Variants in PTPRZ1 observed in about 807,000 individuals in gnomAD.
PTPRZ1 encodes the protein receptor-type tyrosine-protein phosphatase zeta.
In PTPRZ1, 82 loss-of-function variants were observed where a neutral mutation model predicts 214.1. The ratio of observed to expected loss-of-function variants is 0.38; its 90% confidence interval spans 0.32 to 0.46. The LOEUF (loss-of-function observed/expected upper bound fraction) is 0.46. PTPRZ1 is among the 20% of genes least tolerant of loss of function. The probability of loss-of-function intolerance (pLI) is 1.00; values close to 1 mark genes in which losing one functional copy is unlikely to be tolerated. For missense variants in PTPRZ1, 2,603 were observed against 2,748.7 expected, an observed-to-expected ratio of 0.95 and a Z score of 1.19; for synonymous variants, 945 against 987.9, an observed-to-expected ratio of 0.96 and a Z score of 0.81.
chr7:122,060,515 T>G (rs1792536868), intron 29 of PTPRZ1, among the ~76,000 whole-genome samples: 1 of 152,220 alleles, frequency 6.6e-6, no homozygotes, highest in Non-Finnish European at 1.5e-5. Flanking sequence ...TGCTTCTATG[T>G]GCCACTGCTC....
intron 1 of PTPRZ1, among the ~76,000 whole-genome samples, chr7:121,927,616 A>T (rs1243270206): frequency 1.3e-5 from 2 of 152,184 alleles, no homozygotes; most frequent in Non-Finnish European, 2.9e-5. Context: ...CTGACGTAAC[A>T]TTTCTCCGAA....
At chr7:122,022,509 G>C (rs547646814) in intron 13 of PTPRZ1, among the ~76,000 whole-genome samples, 2 of 152,318 alleles carry the variant, frequency 1.3e-5, no homozygotes, top group African/African-American at 4.8e-5. Context: ...GGCCTCCAAA[G>C]CTGAAAGAGG....
intron 13 of PTPRZ1, among the ~76,000 whole-genome samples, chr7:122,023,665 A>G (rs1337763070): frequency 7.5e-6 from 1 of 132,980 alleles, no homozygotes; most frequent in East Asian, 2.0e-4. Flanking sequence ...TATTATATGT[A>G]TAATTTTATA....
chr7:121,994,471 T>C (rs1479751309), intron 8 of PTPRZ1, among the ~76,000 whole-genome samples: 2 of 151,910 alleles, frequency 1.3e-5, no homozygotes, highest in Non-Finnish European at 2.9e-5. Context: ...ATTTTTTGTA[T>C]TTTTAGTAGA....
intron 1 of PTPRZ1, among the ~76,000 whole-genome samples, chr7:121,885,934 G>A (rs906097688): frequency 1.3e-5 from 2 of 152,140 alleles, no homozygotes; most frequent in Non-Finnish European, 2.9e-5. Context: ...CTCTGCTAAT[G>A]ATAATGACAT....
At chr7:122,039,962 A>G (rs1799668727) in intron 20 of PTPRZ1, among the ~76,000 whole-genome samples, 2 of 151,958 alleles carry the variant, frequency 1.3e-5, no homozygotes, top group African/African-American at 4.8e-5. Context: ...AGCCTGGGCA[A>G]CAGAGTGAGA....
At chr7:121,877,204 C>G (rs1254256639) in intron 1 of PTPRZ1, among the ~76,000 whole-genome samples, 4 of 152,150 alleles carry the variant, frequency 2.6e-5, no homozygotes, top group Admixed American at 1.3e-4. Context: ...ACACCTTTTA[C>G]AAATGAGGGA....
At chr7:122,034,164 A>T (rs1328154289) in intron 16 of PTPRZ1, 49 bp downstream of exon 16, 2 of 1,571,950 alleles carry the variant, frequency 1.3e-6, no homozygotes, top group Non-Finnish European at 1.7e-6. Flanking sequence ...AGTAGTTGTA[A>T]CTTTTAAAAA....
Position 121,896,148 on chromosome 7 carries a change from A to T in PTPRZ1, c.58+22591A>T, listed in dbSNP as rs1584612821. Among the ~76,000 whole-genome samples the T allele has an allele frequency of 2.0e-5, 3 of 152,244 alleles. No individual in the cohort carries two copies. The East Asian group carries it at 5.8e-4, about 29-fold the overall frequency. ...AACACATTAACAGCAATGATTCTGTAATTGATATAGAGTAGATGTTTTAAA... is the reference window on the plus strand; with the variant it reads ...AACACATTAACAGCAATGATTCTGTTATTGATATAGAGTAGATGTTTTAAA... On this transcript the variant is annotated intron_variant, in intron 1 of 29. Transcript: ENST00000393386.
intron 2 of PTPRZ1, among the ~76,000 whole-genome samples, chr7:121,939,867 C>G (rs866257429): frequency 6.6e-6 from 1 of 151,878 alleles, no homozygotes; most frequent in African/African-American, 2.4e-5. Context: ...ATGTAAGGTA[C>G]GGAACCCTAA....
intron 2 of PTPRZ1, among the ~76,000 whole-genome samples, chr7:121,965,046 T>C (rs938299286): frequency 5.3e-5 from 8 of 152,228 alleles, no homozygotes; most frequent in African/African-American, 1.4e-4. Flanking sequence ...CAAGGAGTAA[T>C]GTGATCTGGC....
Position 122,053,981 on chromosome 7 carries a change from G to A in PTPRZ1, c.6324G>A (p.Arg2108=). The change falls in exon 26 of 30, where the codon AGG becomes AGA. Residue 2108 remains arginine, a synonymous_variant. Coordinates refer to ENST00000393386, the MANE Select transcript of PTPRZ1 (RefSeq NM_002851.3). ...PLLHTIKDFW[R]MIWDHNAQLV... The stretch of plus-strand genomic sequence containing the variant: ...TTCATACCATCAAGGATTTCTGGAG[G>A]ATGATATGGGACCATAATGCCCAAC... 6.2e-7 allele frequency: 1 copy of A among 1,613,334 alleles called. No homozygotes were observed. The highest frequency in any genetic ancestry group is 8.5e-7 in the Non-Finnish European group (1 of 1,179,432).
intron 18 of PTPRZ1, among the ~76,000 whole-genome samples, chr7:122,038,130 C>T (rs1414761768): frequency 6.6e-6 from 1 of 152,076 alleles, no homozygotes; most frequent in Non-Finnish European, 1.5e-5. Flanking sequence ...GGGAAATCAC[C>T]CTCATGATTC....
At chr7:121,962,025 C>T (rs189785224) in intron 2 of PTPRZ1, among the ~76,000 whole-genome samples, 1 of 152,316 alleles carries the variant, frequency 6.6e-6, no homozygotes, top group Non-Finnish European at 1.5e-5. Context: ...TTCCTAATAA[C>T]ACTCAGGTGG....
At position 121,958,085 on chromosome 7, in the gene PTPRZ1, C is replaced by T. The variant is rs189604463; in HGVS notation, c.125-9866C>T. Among the ~76,000 whole-genome samples, 8 of 152,270 alleles carry T rather than the reference C, an allele frequency of 5.3e-5. No individual in the cohort carries two copies. In the East Asian group the frequency reaches 9.6e-4, roughly 18 times the overall value. ...TAAAAAAATCCATTTCTCATCCTTG[C>T]GTCTGTCTCTGTGTGCCACCTTATC... is the stretch of plus-strand genomic sequence containing the variant. On this transcript the variant is annotated intron_variant, in intron 2 of 29. Transcript: ENST00000393386.
At chr7:121,946,569 G>A (rs544582310) in intron 2 of PTPRZ1, among the ~76,000 whole-genome samples, 126 of 152,182 alleles carry the variant, frequency 8.3e-4, no homozygotes, top group Non-Finnish European at 1.7e-3. Flanking sequence ...AACAAAATAG[G>A]AAACCTTGAG....
intron 23 of PTPRZ1, among the ~76,000 whole-genome samples, chr7:122,046,241 C>T (rs1482636823): frequency 2.0e-5 from 3 of 151,966 alleles, no homozygotes; most frequent in Non-Finnish European, 4.4e-5. Flanking sequence ...CAGAGCAAGA[C>T]CCTGTCTCTA....
rs1405381031 is a variant in PTPRZ1 at position 122,051,339 on chromosome 7, G to A, written c.6085-89G>A. 1.0e-5 allele frequency: 8 copies of A among 802,068 alleles called. No individual in the cohort carries two copies. The Admixed American group carries it at 1.8e-4, about 18-fold the overall frequency. The allele number at this position is 802,068 out of a possible 1,614,324, so 49.7% of individuals were successfully genotyped here. ...GTCAGTATCTTATCTTGATTGGTGT[G>A]TGTGTGTGTGTCTGTATGTATGTGT... On this transcript the variant is annotated intron_variant, in intron 23 of 29. Transcript: ENST00000393386.
intron 22 of PTPRZ1, among the ~76,000 whole-genome samples, chr7:122,043,979 C>T (rs1799806380): frequency 1.3e-5 from 2 of 152,248 alleles, no homozygotes; most frequent in African/African-American, 4.8e-5. Context: ...TGTGAAATAT[C>T]AGAGAACTAT....
Sources: allele counts gnomAD v4.1 joint callset (sites outside exome capture counted in the v4.1 genomes callset), GRCh38; gene constraint gnomAD v4.1.1; transcripts MANE v1.5; gene names NCBI Gene and HGNC (gene_info 2026-07-23, HGNC 2026-07-21).